The following METTL15 variants were observed in gnomAD, a reference collection of about 807,000 sequenced individuals.
The protein encoded by METTL15 is 12S rRNA N(4)-cytidine methyltransferase METTL15.
Under a neutral mutation model 38.3 loss-of-function variants are expected in METTL15, and 34 were observed. The observed-to-expected ratio is 0.89, with a 90% CI of 0.68 to 1.18. The LOEUF is 1.18. Among genes scored for constraint, METTL15 ranks in the 50% most tolerant of loss-of-function variants. METTL15 has a pLI of 0.00. For missense variants in METTL15, 438 were observed against 498.4 expected (o/e 0.88, Z 1.15); for synonymous variants, 162 against 170.9 (o/e 0.95, Z 0.41).
At chr11:28,372,153 G>A (rs955301086) in intron 5 of METTL15, among the ~76,000 whole-genome samples, 4 of 151,680 alleles carry the variant, frequency 2.6e-5, no homozygotes, top group African/African-American at 7.3e-5. Flanking sequence ...TTATTTTGAG[G>A]TATGTTCCTT....
chr11:28,398,099 G>A (rs947219229), intron 5 of METTL15, among the ~76,000 whole-genome samples: 1 of 151,862 alleles, frequency 6.6e-6, no homozygotes, highest in Non-Finnish European at 1.5e-5. Flanking sequence ...GGGGTGGGGG[G>A]AGGTGGGAAG....
At chr11:28,432,043 A>G (rs1392071000) in intron 6 of METTL15, among the ~76,000 whole-genome samples, 1 of 152,154 alleles carries the variant, frequency 6.6e-6, no homozygotes, top group African/African-American at 2.4e-5. Context: ...AGGGTGAAGA[A>G]AAGACTTCAA....
chr11:28,300,539 C>G (rs994359373), intron 6 of METTL15, among the ~76,000 whole-genome samples: 7 of 152,230 alleles, frequency 4.6e-5, no homozygotes, highest in South Asian at 4.1e-4. Flanking sequence ...TTCCAAAAGA[C>G]AGGTTCAAGA....
At chr11:28,404,283 C>T (rs2133406630) in intron 5 of METTL15, among the ~76,000 whole-genome samples, 1 of 152,122 alleles carries the variant, frequency 6.6e-6, no homozygotes, top group Non-Finnish European at 1.5e-5. Flanking sequence ...TCTACCATAA[C>T]AAAACAATTA....
chr11:28,461,414 A>G (rs370318361), intron 6 of METTL15, among the ~76,000 whole-genome samples: 4 of 152,130 alleles, frequency 2.6e-5, no homozygotes, highest in African/African-American at 7.2e-5. Context: ...AAGAAATTGC[A>G]TCCTTGTCCT....
intron 6 of METTL15, among the ~76,000 whole-genome samples, chr11:28,480,883 A>G (rs552267055): frequency 8.5e-5 from 13 of 152,320 alleles, no homozygotes; most frequent in African/African-American, 2.9e-4. Context: ...CCCCTGCTGC[A>G]TAGATCTTGG....
At chr11:28,458,768 G>A (rs373359356) in intron 6 of METTL15, among the ~76,000 whole-genome samples, 151 of 152,236 alleles carry the variant, frequency 9.9e-4, no homozygotes, top group African/African-American at 1.9e-3. Context: ...CATTTGTGTG[G>A]CCATCCATGG....
chr11:28,494,573 A>G (rs1202433511), intron 6 of METTL15, among the ~76,000 whole-genome samples: 1 of 152,084 alleles, frequency 6.6e-6, no homozygotes. Context: ...ATGGAGAATG[A>G]TATGGTTTGG....
chr11:28,504,985 T>C (rs934285755), intron 6 of METTL15, among the ~76,000 whole-genome samples: 1 of 152,186 alleles, frequency 6.6e-6, no homozygotes, highest in Non-Finnish European at 1.5e-5. Flanking sequence ...AGCCCTGTAG[T>C]TTGACATGCG....
intron 6 of METTL15, among the ~76,000 whole-genome samples, chr11:28,514,070 G>A (rs1851699444): frequency 6.6e-6 from 1 of 152,204 alleles, no homozygotes; most frequent in Admixed American, 6.5e-5. Context: ...TAATGTGGTA[G>A]ACATTGTAAT....
chr11:28,162,967 T>G (rs1850523754), intron 3 of METTL15, among the ~76,000 whole-genome samples: 1 of 152,116 alleles, frequency 6.6e-6, no homozygotes, highest in Admixed American at 6.6e-5. Context: ...TATTTTGAGC[T>G]TAAGCAAACA....
At chr11:28,498,061 A>T (rs909033823) in intron 6 of METTL15, among the ~76,000 whole-genome samples, 13 of 152,116 alleles carry the variant, frequency 8.5e-5, no homozygotes, top group Non-Finnish European at 1.5e-4. Flanking sequence ...CAAAAAAAAA[A>T]AAAAGGAGGG....
At chr11:28,505,623 A>G (rs1488565273) in intron 6 of METTL15, among the ~76,000 whole-genome samples, 2 of 152,238 alleles carry the variant, frequency 1.3e-5, no homozygotes, top group Non-Finnish European at 2.9e-5. Flanking sequence ...GTGCATATGT[A>G]TTATATCATT....
intron 3 of METTL15, among the ~76,000 whole-genome samples, chr11:28,117,110 T>A (rs1481712002): frequency 6.6e-6 from 1 of 152,032 alleles, no homozygotes; most frequent in Non-Finnish European, 1.5e-5. Context: ...TTTAAAAAGA[T>A]CCATAATGCA....
chr11:28,483,014 C>T (rs528179292), intron 6 of METTL15, among the ~76,000 whole-genome samples: 3 of 151,902 alleles, frequency 2.0e-5, no homozygotes, highest in Admixed American at 6.5e-5. Context: ...CCTGCCCCCA[C>T]ATAACCATAC....
chr11:28,310,914 C>CTGCTGCTGCTGGTGGTGG (rs1296842131), intron 6 of METTL15, among the ~76,000 whole-genome samples: 2 of 110,084 alleles, frequency 1.8e-5, no homozygotes, highest in African/African-American at 7.3e-5. Context: ...GCTGCTGCTG[C>CTGCTGCTGCTGGTGGTGG]TGGTGGTGGT....
At chr11:28,503,605 A>G (rs913053232) in intron 6 of METTL15, among the ~76,000 whole-genome samples, 10 of 151,852 alleles carry the variant, frequency 6.6e-5, no homozygotes, top group African/African-American at 2.4e-4. Context: ...AGCCTGGCCA[A>G]CATGGTAAAA....
intron 3 of METTL15, among the ~76,000 whole-genome samples, chr11:28,178,903 A>G (rs1338234913): frequency 6.6e-6 from 1 of 151,830 alleles, no homozygotes; most frequent in Non-Finnish European, 1.5e-5. Flanking sequence ...GACATCATCA[A>G]GAAAACAAGA....
At chr11:28,471,323 A>C (rs1851301146) in intron 6 of METTL15, among the ~76,000 whole-genome samples, 1 of 152,168 alleles carries the variant, frequency 6.6e-6, no homozygotes, top group Admixed American at 6.6e-5. Context: ...CCCAGATTCA[A>C]GGGGAAAGGA....
Sources: allele counts gnomAD v4.1 joint callset (sites outside exome capture counted in the v4.1 genomes callset), GRCh38; gene constraint gnomAD v4.1.1; transcripts MANE v1.5; gene names NCBI Gene and HGNC (gene_info 2026-07-23, HGNC 2026-07-21).